Variants in MED13L observed in about 807,000 individuals in gnomAD.
MED13L encodes the protein mediator of RNA polymerase II transcription subunit 13-like.
MED13L carries 7 observed loss-of-function variants against 220.9 expected under a neutral mutation model. The observed-to-expected ratio is 0.03, with a 90% CI of 0.02 to 0.06. MED13L has a LOEUF of 0.06. Ranked by LOEUF, MED13L falls within the 10% of genes least tolerant of loss-of-function variation. The pLI, the probability that MED13L is intolerant of heterozygous loss-of-function variation, is 1.00. For missense variants in MED13L, 1,965 were observed against 2,760.5 expected (o/e 0.71, Z 6.46); for synonymous variants, 1,011 against 1,015.2 (o/e 1.00, Z 0.08).
At position 116,147,579 on chromosome 12, in the gene MED13L, A is replaced by C. The variant is rs535712080; in HGVS notation, c.311-36067T>G. On this transcript the variant is annotated intron_variant, in intron 2 of 30. Coordinates refer to ENST00000281928, the MANE Select transcript of MED13L (RefSeq NM_015335.5). ...GGCGACAGAGCAGTCTTTAACTTAT[A>C]AGCAACCTAAAGGTCATCTTGTATT... Among the ~76,000 whole-genome samples the C allele has an allele frequency of 3.3e-5, 5 of 152,278 alleles. No homozygotes were observed. In the South Asian group the frequency reaches 8.3e-4, roughly 25 times the overall value.
rs575501474 is a variant in MED13L, at chr12:116,170,027, A to T, written c.311-58515T>A. ...GTGAGACCCCGCCTCATAAATAAAC[A>T]AACAAAAAATCGTATCAATGAACTT... On this transcript the variant is annotated intron_variant, in intron 2 of 30. Transcript: ENST00000281928. Among the ~76,000 whole-genome samples, 7 of 152,210 alleles carry T rather than the reference A, an allele frequency of 4.6e-5. No homozygotes were observed. In the South Asian group the frequency reaches 1.4e-3, roughly 32 times the overall value.
At chr12:116,032,912 A>G (rs1164860944) in intron 4 of MED13L, among the ~76,000 whole-genome samples, 1 of 152,144 alleles carries the variant, frequency 6.6e-6, no homozygotes, top group East Asian at 1.9e-4. Context: ...AGAAAGGAAA[A>G]GAAGACGGAT....
At chr12:116,039,267 G>C (rs1249263608) in intron 4 of MED13L, among the ~76,000 whole-genome samples, 2 of 152,118 alleles carry the variant, frequency 1.3e-5, no homozygotes, top group Non-Finnish European at 2.9e-5. Flanking sequence ...TCCAACATTT[G>C]GCATTAGCCT....
intron 16 of MED13L, among the ~76,000 whole-genome samples, chr12:115,992,400 T>C (rs1183126412): frequency 1.0e-5 from 1 of 98,616 alleles, no homozygotes; most frequent in African/African-American, 3.0e-5. Flanking sequence ...ATTTTTGTCA[T>C]TTTTTTTTTG....
chr12:116,168,890 A>G (rs1015284756), intron 2 of MED13L, among the ~76,000 whole-genome samples: 10 of 152,222 alleles, frequency 6.6e-5, no homozygotes, highest in Non-Finnish European at 8.8e-5. Flanking sequence ...TTAAAAATTT[A>G]ATATCTACTT....
At chr12:116,046,417 G>C (rs914050624) in intron 4 of MED13L, among the ~76,000 whole-genome samples, 2 of 152,022 alleles carry the variant, frequency 1.3e-5, no homozygotes, top group Non-Finnish European at 2.9e-5. Flanking sequence ...CAAAATAATA[G>C]GAGAAATGGC....
intron 2 of MED13L, among the ~76,000 whole-genome samples, chr12:116,180,705 T>C (rs2138221142): frequency 6.6e-6 from 1 of 152,296 alleles, no homozygotes; most frequent in Middle Eastern, 3.4e-3. Context: ...TGCCTGCAAT[T>C]CTAACTGCTC....
rs376817020 is a variant in MED13L at position 115,997,274 on chromosome 12, T to C, written c.2570-44A>G. ...AAAAATTTGTTTAATAGGAAGGGCTTCTAAAAAGTCCTAGCTTATAGCCAG... is the reference window on the plus strand; with the variant it reads ...AAAAATTTGTTTAATAGGAAGGGCTCCTAAAAAGTCCTAGCTTATAGCCAG... On this transcript the variant is annotated intron_variant, in intron 14 of 30. Coordinates refer to ENST00000281928, the MANE Select transcript of MED13L (RefSeq NM_015335.5). 30 of 1,555,840 alleles carry C rather than the reference T, an allele frequency of 1.9e-5. No individual in the cohort carries two copies. In the African/African-American group the frequency reaches 3.6e-4, roughly 18 times the overall value.
chr12:116,067,950 G>A (rs190594846), intron 4 of MED13L, among the ~76,000 whole-genome samples: 1 of 152,290 alleles, frequency 6.6e-6, no homozygotes, highest in Admixed American at 6.5e-5. Flanking sequence ...TATCCAAAGT[G>A]TTGGACAGAA....
chr12:115,968,790 C>T, intron 28 of MED13L, 150 bp downstream of exon 28: 3 of 916,596 alleles, frequency 3.3e-6, no homozygotes, highest in Non-Finnish European at 5.2e-6. Context: ...AAAATGGAAC[C>T]ATAGTCAGTT....
intron 1 of MED13L, among the ~76,000 whole-genome samples, chr12:116,242,960 T>A (rs923492243): frequency 3.9e-5 from 6 of 152,192 alleles, no homozygotes; most frequent in Non-Finnish European, 7.3e-5. Flanking sequence ...TGACTAGAGC[T>A]CATGGCCATA....
At chr12:116,210,631 G>A (rs577069768) in intron 2 of MED13L, among the ~76,000 whole-genome samples, 297 of 146,404 alleles carry the variant, frequency 2.0e-3, no homozygotes, top group African/African-American at 6.6e-3. Context: ...ACATGCCTTC[G>A]GGGAAAATGC....
At chr12:116,088,694 A>G (rs1448893060) in intron 4 of MED13L, among the ~76,000 whole-genome samples, 1 of 151,738 alleles carries the variant, frequency 6.6e-6, no homozygotes, top group African/African-American at 2.4e-5. Flanking sequence ...GAATTCAGCC[A>G]AAGTTAACCC....
At chr12:116,066,205 T>C (rs1439795166) in intron 4 of MED13L, among the ~76,000 whole-genome samples, 2 of 152,214 alleles carry the variant, frequency 1.3e-5, no homozygotes, top group Admixed American at 6.5e-5. Context: ...ATGCGCACTC[T>C]GGACACACAA....
chr12:116,101,696 T>G (rs1404802518), intron 3 of MED13L, among the ~76,000 whole-genome samples: 2 of 152,194 alleles, frequency 1.3e-5, no homozygotes, highest in Non-Finnish European at 2.9e-5. Flanking sequence ...TTTGCAAATC[T>G]TTTAATGACA....
At chr12:116,200,261 T>C (rs996165426) in intron 2 of MED13L, among the ~76,000 whole-genome samples, 1 of 152,122 alleles carries the variant, frequency 6.6e-6, no homozygotes, top group Non-Finnish European at 1.5e-5. Context: ...AAAAAAGTAA[T>C]AATGGCCACA....
At chr12:115,972,564 G>A (rs1876662768) in intron 25 of MED13L, 3 of 353,806 alleles carry the variant, frequency 8.5e-6, no homozygotes, top group South Asian at 7.2e-5. Context: ...AGTGTTAGCT[G>A]CCCTATCCTT....
chr12:115,983,431 G>T lies in MED13L; in HGVS notation c.4641C>A (p.Pro1547=). 1 of 1,614,194 alleles carries T rather than the reference G, an allele frequency of 6.2e-7. No individual in the cohort carries two copies. The highest frequency in any genetic ancestry group is 8.5e-7 in the Non-Finnish European group (1 of 1,180,016). The change falls in exon 21 of 31, where the codon CCC becomes CCA. Residue 1547 remains proline, a synonymous_variant. Transcript: ENST00000281928. Reference sequence around the variant, plus strand: ...GAGCTGCTGATCCATTTGGAGCTAAGGGCCCAGCATTCCCTGGCGTAGCTT... The same window carrying T: ...GAGCTGCTGATCCATTTGGAGCTAATGGCCCAGCATTCCCTGGCGTAGCTT... ...QGQATPGNAG[P]LAPNGSAAPP...
intron 14 of MED13L, among the ~76,000 whole-genome samples, chr12:115,997,668 T>C (rs1878493403): frequency 6.6e-6 from 1 of 152,244 alleles, no homozygotes; most frequent in African/African-American, 2.4e-5. Context: ...GTGGCCCGCC[T>C]GCCTCGTACT....
Sources: allele counts gnomAD v4.1 joint callset (sites outside exome capture counted in the v4.1 genomes callset), GRCh38; gene constraint gnomAD v4.1.1; transcripts MANE v1.5; gene names NCBI Gene and HGNC (gene_info 2026-07-23, HGNC 2026-07-21).